EYA1: variants seen among roughly 807,000 people sequenced by gnomAD.
EYA1 encodes protein phosphatase EYA1.
EYA1 carries 16 observed loss-of-function variants against 82.0 expected under a neutral mutation model. The observed-to-expected ratio is 0.20, with a 90% CI of 0.13 to 0.30. EYA1 has a LOEUF of 0.30. Ranked by LOEUF, EYA1 falls within the 10% of genes least tolerant of loss-of-function variation. The pLI is 1.00. For missense variants in EYA1, 633 were observed against 730.7 expected, an observed-to-expected ratio of 0.87 and a Z score of 1.54; for synonymous variants, 261 against 264.4, an observed-to-expected ratio of 0.99 and a Z score of 0.12.
intron 2 of EYA1, among the ~76,000 whole-genome samples, chr8:71,355,462 T>C (rs901999964): frequency 2.0e-5 from 3 of 152,212 alleles, no homozygotes; most frequent in African/African-American, 7.2e-5. Context: ...GGGAATGAGA[T>C]AGTCCTGATG....
At chr8:71,428,766 T>G (rs1345683959) in intron 2 of EYA1, among the ~76,000 whole-genome samples, 1 of 152,214 alleles carries the variant, frequency 6.6e-6, no homozygotes, top group South Asian at 2.1e-4. Flanking sequence ...TTAATACTAT[T>G]GCAAGTTCAG....
intron 9 of EYA1, among the ~76,000 whole-genome samples, chr8:71,287,343 G>A (rs1222090103): frequency 6.6e-6 from 1 of 152,110 alleles, no homozygotes; most frequent in Non-Finnish European, 1.5e-5. Flanking sequence ...CCAGTAGTCC[G>A]AGACCAATAA....
chr8:71,486,884 T>C (rs954437020), intron 2 of EYA1, among the ~76,000 whole-genome samples: 1 of 151,660 alleles, frequency 6.6e-6, no homozygotes, highest in Non-Finnish European at 1.5e-5. Flanking sequence ...GTCTGCCTTA[T>C]TGGTAACAGA....
At chr8:71,502,227 C>T (rs191768670) in intron 2 of EYA1, among the ~76,000 whole-genome samples, 8 of 152,294 alleles carry the variant, frequency 5.3e-5, no homozygotes, top group South Asian at 2.1e-4. Context: ...ACTTGACTAT[C>T]GCCATGACAG....
Position 71,463,625 on chromosome 8 carries a change from CTCTCTCT to C in EYA1, c.33+72112_33+72118del, listed in dbSNP as rs1563640195. Among the ~76,000 whole-genome samples the C allele has an allele frequency of 5.3e-3, 587 of 110,006 alleles. 33 individuals are homozygous for C. Among genetic ancestry groups the C allele is most frequent in the East Asian group, 0.014 (36 of 2,614 alleles). 72.2% of individuals were successfully genotyped at this position (110,006 alleles called of 152,430 possible). On this transcript the variant is annotated intron_variant, in intron 2 of 18. Coordinates refer to the EYA1 transcript ENST00000643681. Reference sequence around the variant, plus strand: ...TCTCTCTCTCTCTCTCTCTCTCTCTCTCTCTCTCCCTCCCTCCCCCCTCCCACACACA... The same window carrying C: ...TCTCTCTCTCTCTCTCTCTCTCTCTCCCCTCCCTCCCCCCTCCCACACACA...
At chr8:71,259,453 A>C (rs1814834182) in intron 11 of EYA1, among the ~76,000 whole-genome samples, 1 of 152,228 alleles carries the variant, frequency 6.6e-6, no homozygotes, top group Admixed American at 6.5e-5. Flanking sequence ...AAAATGCATA[A>C]AAGAAACACG....
intron 2 of EYA1, among the ~76,000 whole-genome samples, chr8:71,432,500 T>A (rs1563608679): frequency 6.6e-6 from 1 of 152,144 alleles, no homozygotes; most frequent in Non-Finnish European, 1.5e-5. Context: ...AAGTCCAAGA[T>A]CAAGGCATCT....
chr8:71,362,297 AT>A (rs1827477624), upstream of EYA1: 2 of 739,598 alleles, frequency 2.7e-6, no homozygotes, highest in Admixed American at 6.4e-5. Flanking sequence ...AAAAAAAAAA[AT>A]TATGTAAATG....
chr8:71,233,352 C>G (rs1034740366), intron 12 of EYA1, among the ~76,000 whole-genome samples: 50 of 152,040 alleles, frequency 3.3e-4, no homozygotes, highest in African/African-American at 1.2e-3. Flanking sequence ...ATCACGAGGT[C>G]AGGAGATCGA....
chr8:71,462,921 T>C (rs1808476903), intron 2 of EYA1, among the ~76,000 whole-genome samples: 1 of 152,164 alleles, frequency 6.6e-6, no homozygotes, highest in Non-Finnish European at 1.5e-5. Context: ...GCAGCTGCTG[T>C]GGATATCCCC....
chr8:71,439,064 C>T (rs1173698339), intron 2 of EYA1, among the ~76,000 whole-genome samples: 1 of 152,190 alleles, frequency 6.6e-6, no homozygotes, highest in Non-Finnish European at 1.5e-5. Context: ...AATATGAGGT[C>T]AGAGATTTTG....
intron 6 of EYA1, among the ~76,000 whole-genome samples, chr8:71,319,032 A>G (rs190577728): frequency 1.5e-3 from 225 of 152,166 alleles, no homozygotes; most frequent in African/African-American, 5.0e-3. Flanking sequence ...CTTTCTTTCC[A>G]TGTTGTCACC....
intron 2 of EYA1, among the ~76,000 whole-genome samples, chr8:71,433,842 T>C (rs913542028): frequency 6.6e-6 from 1 of 152,198 alleles, no homozygotes; most frequent in Non-Finnish European, 1.5e-5. Context: ...CACGGAGGAT[T>C]CTCAACAGAG....
chr8:71,457,570 A>G (rs1158174373), intron 2 of EYA1, among the ~76,000 whole-genome samples: 1 of 152,232 alleles, frequency 6.6e-6, no homozygotes, highest in Non-Finnish European at 1.5e-5. Flanking sequence ...ACCATGGAAT[A>G]CTATGCAGCC....
chr8:71,482,866 CT>C (rs1810274352), intron 2 of EYA1, among the ~76,000 whole-genome samples: 1 of 152,128 alleles, frequency 6.6e-6, no homozygotes, highest in African/African-American at 2.4e-5. Flanking sequence ...TAGAGGTTAC[CT>C]TTGTGGGTAT....
intron 2 of EYA1, among the ~76,000 whole-genome samples, chr8:71,406,656 C>T (rs1735029623): frequency 1.3e-5 from 2 of 152,234 alleles, no homozygotes; most frequent in African/African-American, 4.8e-5. Context: ...GAATATTGCG[C>T]TTTTCAGACT....
In EYA1 at chr8:71,287,013, G is replaced by A. The variant is rs534494074; in HGVS notation, c.826+12034C>T. ...GACAGGGTTTCATCATCTTGGCCAG[G>A]CTGGTCTTGGACTCCTGACTTCGTG... is the stretch of plus-strand genomic sequence containing the variant. On this transcript the variant is annotated intron_variant, in intron 9 of 17. Coordinates refer to ENST00000340726, the MANE Select transcript of EYA1 (RefSeq NM_000503.6). Among the ~76,000 whole-genome samples, 8 of 152,030 alleles carry A rather than the reference G, an allele frequency of 5.3e-5. No individual in the cohort carries two copies. The South Asian group carries it at 1.7e-3, about 32-fold the overall frequency.
At chr8:71,280,224 C>G (rs1295132005) in intron 9 of EYA1, among the ~76,000 whole-genome samples, 1 of 152,080 alleles carries the variant, frequency 6.6e-6, no homozygotes, top group Non-Finnish European at 1.5e-5. Context: ...ACCAGTGACA[C>G]CAGAAAATGA....
chr8:71,356,707 C>G (rs1030696448), intron 1 of EYA1, 196 bp from the exon 2 acceptor site: 77 of 1,257,810 alleles, frequency 6.1e-5, no homozygotes, highest in Non-Finnish European at 7.2e-5. Flanking sequence ...CAGGTCTATC[C>G]TCCTCCTCCC....
Sources: allele counts gnomAD v4.1 joint callset (sites outside exome capture counted in the v4.1 genomes callset), GRCh38; gene constraint gnomAD v4.1.1; transcripts MANE v1.5; gene names NCBI Gene and HGNC (gene_info 2026-07-23, HGNC 2026-07-21).